The following SH3BGRL2 variants were observed in gnomAD, a reference collection of about 807,000 sequenced individuals.
SH3BGRL2 encodes the protein SH3 domain binding glutamate rich protein like 2, also known as SH3 domain-binding glutamic acid-rich-like protein 2.
SH3BGRL2 carries 21 observed loss-of-function variants against 14.8 expected under a neutral mutation model. That is an observed-to-expected ratio of 1.42 (90% confidence interval 1.01 to 2.05). SH3BGRL2 has a LOEUF of 2.05. Ranked by LOEUF, SH3BGRL2 falls within the 30% of genes most tolerant of loss-of-function variation. SH3BGRL2 has a pLI of 0.00. For missense variants in SH3BGRL2, 147 were observed against 130.8 expected, an observed-to-expected ratio of 1.12 and a Z score of -0.61; for synonymous variants, 50 against 47.8, an observed-to-expected ratio of 1.05 and a Z score of -0.19.
At chr6:79,564,256 TAATAA>T in the SH3BGRL2 span, among the ~76,000 whole-genome samples, 3 of 151,974 alleles carry the variant, frequency 2.0e-5, no homozygotes, top group Non-Finnish European at 4.4e-5. Flanking sequence ...GAAAGTAGTG[TAATAA>T]AATAAATCAG....
chr6:79,692,406 T>G (rs376477887), intron 2 of SH3BGRL2, among the ~76,000 whole-genome samples: 15 of 152,224 alleles, frequency 9.9e-5, no homozygotes, highest in South Asian at 2.1e-4. Context: ...ATTGCTTTTG[T>G]TGTTTTAGAC....
chr6:79,627,887 G>A (rs1273140011), upstream of SH3BGRL2, among the ~76,000 whole-genome samples: 1 of 152,038 alleles, frequency 6.6e-6, no homozygotes, highest in Non-Finnish European at 1.5e-5. Context: ...CCAGCCTAAA[G>A]GGACTTGATA....
upstream of SH3BGRL2, among the ~76,000 whole-genome samples, chr6:79,629,350 G>A (rs1390898101): frequency 1.3e-5 from 2 of 152,134 alleles, no homozygotes; most frequent in Non-Finnish European, 2.9e-5. Context: ...GGGTAGAAAT[G>A]TTGCTTGGCC....
chr6:79,695,599 C>A (rs1420969498), intron 2 of SH3BGRL2, among the ~76,000 whole-genome samples: 4 of 152,186 alleles, frequency 2.6e-5, no homozygotes, highest in African/African-American at 7.2e-5. Flanking sequence ...AATATCAGTT[C>A]TCTCACTTAT....
chr6:79,567,791 A>G, the SH3BGRL2 span, among the ~76,000 whole-genome samples: 2 of 152,232 alleles, frequency 1.3e-5, no homozygotes, highest in African/African-American at 4.8e-5. Flanking sequence ...CACCATAAAA[A>G]TGTGAAAAGA....
the SH3BGRL2 span, among the ~76,000 whole-genome samples, chr6:79,604,231 G>A: frequency 3.9e-5 from 6 of 152,144 alleles, no homozygotes; most frequent in Non-Finnish European, 5.9e-5. Context: ...AAATCCACAT[G>A]GACAAAGGTT....
the SH3BGRL2 span, among the ~76,000 whole-genome samples, chr6:79,581,066 A>G: frequency 3.3e-5 from 5 of 152,202 alleles, no homozygotes; most frequent in African/African-American, 1.2e-4. Flanking sequence ...CTGGACACAT[A>G]CACCCTCCCA....
the SH3BGRL2 span, among the ~76,000 whole-genome samples, chr6:79,560,619 G>C: frequency 2.0e-5 from 3 of 152,084 alleles, no homozygotes; most frequent in African/African-American, 7.2e-5. Context: ...AAAAGAAACA[G>C]ACATAAAAAT....
At chr6:79,654,053 C>A (rs150937130) in intron 1 of SH3BGRL2, among the ~76,000 whole-genome samples, 3 of 152,104 alleles carry the variant, frequency 2.0e-5, no homozygotes, top group Non-Finnish European at 4.4e-5. Context: ...GGTGTGGATG[C>A]ACAAGGTAGA....
chr6:79,620,542 C>T, the SH3BGRL2 span, among the ~76,000 whole-genome samples: 1 of 151,620 alleles, frequency 6.6e-6, no homozygotes, highest in African/African-American at 2.4e-5. Flanking sequence ...TTGGAGAGTC[C>T]TGTGTGAGGG....
chr6:79,700,582 C>G lies in SH3BGRL2; in HGVS notation c.*1073C>G, dbSNP rs185438196. On this transcript the variant is annotated 3_prime_UTR_variant, in exon 4 of 4. Transcript: ENST00000369838. ...CATATTTCTGGCCAATGTACAGCCT[C>G]ATATTTTTCAGAGTAATACAGATAC... The G allele has an allele frequency of 1.5e-4, 23 of 152,216 alleles. No homozygotes were observed. In the East Asian group the frequency reaches 4.4e-3, roughly 29 times the overall value. The allele number at this position is 152,216 out of a possible 1,614,324, so 9.4% of individuals were successfully genotyped here.
chr6:79,552,765 G>A, the SH3BGRL2 span: 1 of 152,300 alleles, frequency 6.6e-6, no homozygotes, highest in African/African-American at 2.4e-5. Flanking sequence ...AGTTTAAAAA[G>A]CATTGGTTTA....
the SH3BGRL2 span, among the ~76,000 whole-genome samples, chr6:79,555,072 C>T: frequency 2.0e-5 from 3 of 152,002 alleles, no homozygotes; most frequent in East Asian, 3.9e-4. Context: ...GAAAGGAAAA[C>T]GGAATAATTT....
At chr6:79,645,121 C>T (rs1190929248) in intron 1 of SH3BGRL2, among the ~76,000 whole-genome samples, 1 of 145,232 alleles carries the variant, frequency 6.9e-6, no homozygotes, top group African/African-American at 2.6e-5. Flanking sequence ...TGAGATTGCA[C>T]CACTGCACTC....
At chr6:79,630,625 G>A (rs1352884767), upstream of SH3BGRL2, among the ~76,000 whole-genome samples, 1 of 151,304 alleles carries the variant, frequency 6.6e-6, no homozygotes, top group Non-Finnish European at 1.5e-5. Flanking sequence ...GGAGGGGTGG[G>A]GCAGGTAGGG....
the SH3BGRL2 span, among the ~76,000 whole-genome samples, chr6:79,597,391 GAGGA>G: frequency 0.17 from 25,640 of 151,288 alleles, 2,270 homozygotes; most frequent in South Asian, 0.22. Context: ...GGGAAGGAAG[GAGGA>G]AGGAAGGAAG....
chr6:79,557,689 A>G, the SH3BGRL2 span, among the ~76,000 whole-genome samples: 1 of 152,226 alleles, frequency 6.6e-6, no homozygotes, highest in African/African-American at 2.4e-5. Context: ...CATTATAATT[A>G]GTAGTGAATA....
intron 1 of SH3BGRL2, among the ~76,000 whole-genome samples, chr6:79,669,117 A>G (rs568254934): frequency 6.6e-6 from 1 of 152,338 alleles, no homozygotes; most frequent in South Asian, 2.1e-4. Flanking sequence ...TCATCCATTC[A>G]GTTAATATTT....
At chr6:79,687,019 C>T (rs1562158245) in intron 2 of SH3BGRL2, among the ~76,000 whole-genome samples, 1 of 152,180 alleles carries the variant, frequency 6.6e-6, no homozygotes, top group African/African-American at 2.4e-5. Context: ...CCCCTGAAGC[C>T]TCACCAGGAG....
Sources: allele counts gnomAD v4.1 joint callset (sites outside exome capture counted in the v4.1 genomes callset), GRCh38; gene constraint gnomAD v4.1.1; transcripts MANE v1.5; gene names NCBI Gene and HGNC (gene_info 2026-07-23, HGNC 2026-07-21).